The following CCDC6 variants were observed in gnomAD, a reference collection of about 807,000 sequenced individuals.
The protein encoded by CCDC6 is coiled-coil domain-containing protein 6.
In CCDC6, 20 loss-of-function variants were observed where a neutral mutation model predicts 56.6. The observed-to-expected ratio is 0.35, with a 90% CI of 0.25 to 0.51. CCDC6 has a LOEUF of 0.51. CCDC6 is among the 20% of genes least tolerant of loss of function. The pLI is 0.95. For synonymous variants in CCDC6, 241 were observed against 234.4 expected (o/e 1.03, Z -0.26); for missense variants, 367 against 601.1 (o/e 0.61, Z 4.07).
chr10:59,852,026 G>A (rs556639010), intron 2 of CCDC6, among the ~76,000 whole-genome samples: 1 of 152,080 alleles, frequency 6.6e-6, no homozygotes, highest in South Asian at 2.1e-4. Flanking sequence ...CGTGATCAAC[G>A]TTGAGTTTTA....
At chr10:59,814,836 C>T in intron 3 of CCDC6, 81 bp from the exon 4 acceptor site, 3 of 889,964 alleles carry the variant, frequency 3.4e-6, no homozygotes, top group Non-Finnish European at 5.5e-6. Context: ...ACAATTAGGA[C>T]CCCTTTTCTT....
In CCDC6 at chr10:59,832,662, T is replaced by C. The variant is rs1221813213; in HGVS notation, c.454-9A>G. 4 of 1,610,036 alleles carry C rather than the reference T, an allele frequency of 2.5e-6. No homozygotes were observed. Among genetic ancestry groups the C allele is most frequent in the Middle Eastern group, 1.7e-4 (1 of 6,030 alleles). On this transcript the variant is annotated splice_polypyrimidine_tract_variant and intron_variant, in intron 2 of 8. Transcript: ENST00000263102. Reference sequence around the variant, plus strand: ...GCTTTCTCATGCTGCAACTGGAAAATGAAAAACACCGAGATGTGGAAATCA... The same window carrying C: ...GCTTTCTCATGCTGCAACTGGAAAACGAAAAACACCGAGATGTGGAAATCA...
At chr10:59,856,854 T>C (rs1467808912) in intron 1 of CCDC6, among the ~76,000 whole-genome samples, 4 of 152,226 alleles carry the variant, frequency 2.6e-5, no homozygotes, top group Non-Finnish European at 5.9e-5. Flanking sequence ...CCTATAGCTC[T>C]GTAAATTCTC....
chr10:59,890,406 G>A lies in CCDC6; in HGVS notation c.303+15716C>T, dbSNP rs529231238. ...CGCAAAAGGAGGGGATGCTGCCAAG[G>A]AGGGGATGCTGCGTCGGCTTCTTCT... On this transcript the variant is annotated intron_variant, in intron 1 of 8. Coordinates refer to ENST00000263102, the MANE Select transcript of CCDC6 (RefSeq NM_005436.5). Among the ~76,000 whole-genome samples the A allele has an allele frequency of 5.3e-5, 8 of 152,318 alleles. No homozygotes were observed. The East Asian group carries it at 1.5e-3, about 29-fold the overall frequency.
At chr10:59,893,023 A>G (rs1490198607) in intron 1 of CCDC6, among the ~76,000 whole-genome samples, 1 of 152,242 alleles carries the variant, frequency 6.6e-6, no homozygotes, top group East Asian at 1.9e-4. Flanking sequence ...AATAAAAAAT[A>G]ACTCACTATA....
intron 1 of CCDC6, among the ~76,000 whole-genome samples, chr10:59,853,764 A>C (rs2071058176): frequency 6.6e-6 from 1 of 152,096 alleles, no homozygotes; most frequent in Non-Finnish European, 1.5e-5. Context: ...AACGAGAGAG[A>C]TTAGTGAATT....
intron 2 of CCDC6, among the ~76,000 whole-genome samples, chr10:59,839,375 G>A (rs1476284343): frequency 6.6e-6 from 1 of 152,152 alleles, no homozygotes; most frequent in Non-Finnish European, 1.5e-5. Context: ...AAAATACATT[G>A]TGAATGCAAA....
At chr10:59,810,473 G>A (rs1046938288) in intron 5 of CCDC6, among the ~76,000 whole-genome samples, 6 of 150,002 alleles carry the variant, frequency 4.0e-5, no homozygotes, top group Admixed American at 2.6e-4. Flanking sequence ...CTAGGGGCAC[G>A]ATGGAGCAGT....
chr10:59,791,920 T>C lies in CCDC6; in HGVS notation c.*997A>G. The C allele has an allele frequency of 4.5e-6, 1 of 220,978 alleles. No individual in the cohort carries two copies. The highest frequency in any genetic ancestry group is 6.7e-5 in the East Asian group (1 of 14,858). 13.7% of individuals were successfully genotyped at this position (220,978 alleles called of 1,614,324 possible). Reference sequence around the variant, plus strand: ...CCTTATTTTCTTTTCTGCCAAGCAATACAATATTTTCTGGCCATTATGCCA... The same window carrying C: ...CCTTATTTTCTTTTCTGCCAAGCAACACAATATTTTCTGGCCATTATGCCA... On this transcript the variant is annotated 3_prime_UTR_variant, in exon 9 of 9. Coordinates refer to ENST00000263102, the MANE Select transcript of CCDC6 (RefSeq NM_005436.5).
intron 1 of CCDC6, among the ~76,000 whole-genome samples, chr10:59,897,506 C>T (rs1007110697): frequency 3.3e-5 from 5 of 152,088 alleles, no homozygotes; most frequent in Non-Finnish European, 7.4e-5. Context: ...CCGCCTGCCT[C>T]GGCCTCCCCA....
Position 59,817,174 on chromosome 10 carries a change from CCA to C in CCDC6, c.583-2421_583-2420del, listed in dbSNP as rs201867321. ...CTTTGGCCAAGCTTTGAAGTACAAT[CCA>C]CAGTCATTTCTTTTCTTTTCTTGAG... is the stretch of plus-strand genomic sequence containing the variant. On this transcript the variant is annotated intron_variant, in intron 3 of 8. Transcript: ENST00000263102. Among the ~76,000 whole-genome samples the C allele has an allele frequency of 2.0e-5, 3 of 152,112 alleles. No individual in the cohort carries two copies. The East Asian group carries it at 5.8e-4, about 29-fold the overall frequency.
intron 3 of CCDC6, among the ~76,000 whole-genome samples, chr10:59,830,024 G>A (rs1162131702): frequency 1.3e-5 from 2 of 152,182 alleles, no homozygotes; most frequent in African/African-American, 4.8e-5. Context: ...ACTAGCCTGC[G>A]CTGCCTTCTG....
intron 1 of CCDC6, among the ~76,000 whole-genome samples, chr10:59,890,007 A>G (rs1337124255): frequency 6.6e-6 from 1 of 152,156 alleles, no homozygotes; most frequent in Non-Finnish European, 1.5e-5. Flanking sequence ...ACAACTCTAG[A>G]GCCAAACCCC....
intron 1 of CCDC6, among the ~76,000 whole-genome samples, chr10:59,874,043 A>G (rs150212007): frequency 6.6e-6 from 1 of 152,230 alleles, no homozygotes; most frequent in East Asian, 1.9e-4. Context: ...TCTAATACTG[A>G]AAGAAAACGA....
intron 2 of CCDC6, among the ~76,000 whole-genome samples, chr10:59,846,696 C>T (rs1290021605): frequency 2.6e-5 from 4 of 151,978 alleles, no homozygotes; most frequent in Admixed American, 6.5e-5. Context: ...TTGAAAGTAC[C>T]GTACTACAAA....
intron 1 of CCDC6, among the ~76,000 whole-genome samples, chr10:59,883,040 T>G (rs1434730907): frequency 1.3e-5 from 2 of 151,912 alleles, no homozygotes; most frequent in African/African-American, 4.8e-5. Flanking sequence ...AAAAAAAGGT[T>G]TAATTCAGTA....
chr10:59,890,653 C>T (rs1349238720), intron 1 of CCDC6, among the ~76,000 whole-genome samples: 3 of 152,142 alleles, frequency 2.0e-5, no homozygotes, highest in African/African-American at 4.8e-5. Flanking sequence ...TAGAGGTTAG[C>T]TAAATTGCCC....
chr10:59,835,824 G>C (rs893114717), intron 2 of CCDC6, among the ~76,000 whole-genome samples: 1 of 152,092 alleles, frequency 6.6e-6, no homozygotes, highest in Admixed American at 6.6e-5. Context: ...TTTAGAGGCC[G>C]AAGCAAGAGG....
intron 2 of CCDC6, among the ~76,000 whole-genome samples, chr10:59,850,787 A>G (rs1483090442): frequency 6.6e-6 from 1 of 152,156 alleles, no homozygotes; most frequent in Non-Finnish European, 1.5e-5. Context: ...AGCATTATTT[A>G]GAGGATGCTT....
Sources: gnomAD v4.1 joint callset for allele counts (sites outside exome capture counted in the v4.1 genomes callset) on GRCh38, gnomAD v4.1.1 for gene constraint, MANE v1.5 for transcripts, NCBI Gene and HGNC (gene_info 2026-07-23, HGNC 2026-07-21) for gene names.